METTL22: variants seen among roughly 807,000 people sequenced by gnomAD.
METTL22 encodes the protein methyltransferase 22, Kin17 lysine.
In METTL22, 51 loss-of-function variants were observed where a neutral mutation model predicts 48.4. The ratio of observed to expected loss-of-function variants is 1.05; its 90% CI spans 0.84 to 1.33. The LOEUF (loss-of-function observed/expected upper bound fraction) is 1.33. Ranked by LOEUF, METTL22 falls within the 40% of genes most tolerant of loss-of-function variation. The pLI is 0.00. For synonymous variants in METTL22, 255 were observed against 214.1 expected (o/e 1.19, Z -1.67); for missense variants, 678 against 526.9 (o/e 1.29, Z -2.81).
rs1253461029 is a variant in METTL22 at position 8,646,838 on chromosome 16, C to G, written c.*695C>G. The G allele has an allele frequency of 3.2e-5, 12 of 375,144 alleles. 1 individual carries two copies. The highest frequency in any genetic ancestry group is 2.4e-4 in the South Asian group (12 of 50,252). The allele number at this position is 375,144 out of a possible 1,614,324, so 23.2% of individuals were successfully genotyped here. ...CCGCCTGGACTCATTTTCCCTCCGCCCCTTGGTCTCTCTGTCTTATCACGT... is the reference window on the plus strand; with the variant it reads ...CCGCCTGGACTCATTTTCCCTCCGCGCCTTGGTCTCTCTGTCTTATCACGT... On this transcript the variant is annotated 3_prime_UTR_variant, in exon 11 of 11. Transcript: ENST00000381920.
chr16:8,622,686 A>G (rs1163179165), intron 1 of METTL22, among the ~76,000 whole-genome samples: 4 of 152,204 alleles, frequency 2.6e-5, no homozygotes, highest in Non-Finnish European at 5.9e-5. Context: ...AACGTTTACT[A>G]TATGTCGTAA....
At position 8,642,094 on chromosome 16, in the gene METTL22, A is replaced by G. The variant is rs370142820; in HGVS notation, c.827-33A>G. On this transcript the variant is annotated intron_variant, in intron 7 of 10. Coordinates refer to ENST00000381920, the MANE Select transcript of METTL22 (RefSeq NM_024109.4). ...GAGTTGGTGGCCAGGAGAGAAGGCA[A>G]TGGGCACAAAGTGTGCTTTTGTTCT... The G allele has an allele frequency of 7.5e-5, 117 of 1,552,076 alleles. 1 individual carries two copies. The highest frequency in any genetic ancestry group is 1.7e-4 in the Middle Eastern group (1 of 5,970).
chr16:8,622,385 C>A (rs1051558123), intron 1 of METTL22, among the ~76,000 whole-genome samples: 1 of 152,190 alleles, frequency 6.6e-6, no homozygotes, highest in Non-Finnish European at 1.5e-5. Context: ...GGTAGCGTCT[C>A]AGTCTAGCCC....
At chr16:8,650,403 A>G (rs1048355264), downstream of METTL22, among the ~76,000 whole-genome samples, 4 of 152,232 alleles carry the variant, frequency 2.6e-5, no homozygotes, top group African/African-American at 7.2e-5. Context: ...TGTAACAGCA[A>G]TGACCTTGGA....
chr16:8,626,430 C>T (rs1465227616), intron 2 of METTL22, among the ~76,000 whole-genome samples: 5 of 151,068 alleles, frequency 3.3e-5, no homozygotes, highest in African/African-American at 4.9e-5. Context: ...TGCTGGGGCT[C>T]CATCTGTCCT....
chr16:8,644,726 G>A lies in METTL22; in HGVS notation c.1179+1G>A, dbSNP rs1372706833. 6.3e-7 allele frequency: 1 copy of A among 1,576,864 alleles called. No individual in the cohort carries two copies. Among genetic ancestry groups the A allele is most frequent in the Admixed American group, 1.8e-5 (1 of 54,984 alleles). ...GGTTTACGAGCGCCTCCAGCAACTG[G>A]TAGGTCCAGGCCCCGAAGCAGGGCC... On this transcript the variant is annotated splice_donor_variant, in intron 10 of 10. Coordinates refer to ENST00000381920, the MANE Select transcript of METTL22 (RefSeq NM_024109.4). LOFTEE classifies it high-confidence loss of function.
chr16:8,642,699 T>G, intron 9 of METTL22, 134 bp downstream of exon 9: 1 of 831,606 alleles, frequency 1.2e-6, no homozygotes. Context: ...ATGTGCCAGG[T>G]CTGTGCTCAT....
At chr16:8,661,307 C>G in the METTL22 span, among the ~76,000 whole-genome samples, 1 of 152,032 alleles carries the variant, frequency 6.6e-6, no homozygotes, top group African/African-American at 2.4e-5. Context: ...CCGCCAGTAC[C>G]CAGCTAGCCC....
At chr16:8,632,397 C>G (rs768318848) in intron 3 of METTL22, among the ~76,000 whole-genome samples, 1 of 152,174 alleles carries the variant, frequency 6.6e-6, no homozygotes, top group Non-Finnish European at 1.5e-5. Context: ...ATGGGTCTCA[C>G]TTTGCACTTC....
chr16:8,644,543 T>C lies in METTL22; in HGVS notation c.1011-14T>C. On this transcript the variant is annotated splice_polypyrimidine_tract_variant and intron_variant, in intron 9 of 10. Coordinates refer to ENST00000381920, the MANE Select transcript of METTL22 (RefSeq NM_024109.4). The stretch of plus-strand genomic sequence containing the variant: ...GATGATGGCAGTTTGTGCGTCCGAC[T>C]GGCTGGTTTGCAGGCTCAACTTCAC... The C allele has an allele frequency of 3.9e-6, 6 of 1,528,842 alleles. No individual in the cohort carries two copies. Among genetic ancestry groups the C allele is most frequent in the Non-Finnish European group, 5.3e-6 (6 of 1,133,826 alleles). 94.7% of individuals were successfully genotyped at this position (1,528,842 alleles called of 1,614,324 possible). A position where few individuals can be genotyped will look rare whatever the true frequency, so the allele number is the denominator to read the frequency against.
intron 2 of METTL22, 123 bp downstream of exon 2, chr16:8,625,921 T>A: frequency 8.3e-7 from 1 of 1,198,384 alleles, no homozygotes; most frequent in Non-Finnish European, 1.2e-6. Flanking sequence ...GACCACTTTT[T>A]AAGTGCCCTT....
rs964678992 is a variant in METTL22 at position 8,641,117 on chromosome 16, G to A, written c.773-14G>A. 1 of 1,613,340 alleles carries A rather than the reference G, an allele frequency of 6.2e-7. No homozygotes were observed. The highest frequency in any genetic ancestry group is 8.5e-7 in the Non-Finnish European group (1 of 1,179,408). On this transcript the variant is annotated splice_polypyrimidine_tract_variant and intron_variant, in intron 6 of 10. Transcript: ENST00000381920. ...TTAGAGTTTGGAAAGTTCTCTTTTT[G>A]TTTGTTTTTACAGGTGGTATAGTTA... is the stretch of plus-strand genomic sequence containing the variant.
chr16:8,623,740 T>A (rs2055942826), intron 1 of METTL22: 1 of 152,222 alleles, frequency 6.6e-6, no homozygotes, highest in Non-Finnish European at 1.5e-5. Context: ...TTCTTAAAAA[T>A]TTTTTTGTTG....
intron 5 of METTL22, among the ~76,000 whole-genome samples, chr16:8,637,563 C>T (rs2056460799): frequency 6.6e-6 from 1 of 152,216 alleles, no homozygotes; most frequent in Non-Finnish European, 1.5e-5. Context: ...TCTCTGTTGT[C>T]CAAATGGGCA....
chr16:8,661,004 T>C, the METTL22 span, among the ~76,000 whole-genome samples: 1 of 152,092 alleles, frequency 6.6e-6, no homozygotes, highest in African/African-American at 2.4e-5. Flanking sequence ...GTGATGAGTT[T>C]GGTCTTGGCT....
rs749871554 is a variant in METTL22, at chr16:8,635,252, G to A, written c.640G>A (p.Ala214Thr). ...FRGCTALELG[A>T]GTGLASIIAA... ...AGGATGTACAGCGCTGGAGCTCGGG[G>A]CCGGCACGGGGCTCGCTAGCATCAT... Residue 214 changes from alanine (A) to threonine (T), a missense_variant, in exon 5 of 11, where the codon GCC becomes ACC. Coordinates refer to ENST00000381920, the MANE Select transcript of METTL22 (RefSeq NM_024109.4). 1.3e-5 allele frequency: 21 copies of A among 1,608,490 alleles called. No homozygotes were observed. In the South Asian group the frequency reaches 1.9e-4, roughly 14 times the overall value.
chr16:8,636,654 T>G (rs978052448), intron 5 of METTL22, among the ~76,000 whole-genome samples: 6 of 151,602 alleles, frequency 4.0e-5, no homozygotes, highest in African/African-American at 1.5e-4. Context: ...TGGTTTTTGT[T>G]TTTTTTTGCA....
downstream of METTL22, among the ~76,000 whole-genome samples, chr16:8,654,391 C>T (rs1317553122): frequency 6.6e-6 from 1 of 152,208 alleles, no homozygotes; most frequent in African/African-American, 2.4e-5. Context: ...ACATGGTTAA[C>T]CTTGATTAAC....
chr16:8,627,339 C>G (rs1331739338), intron 2 of METTL22, among the ~76,000 whole-genome samples: 1 of 152,072 alleles, frequency 6.6e-6, no homozygotes, highest in Non-Finnish European at 1.5e-5. Flanking sequence ...TGTGGCCACT[C>G]TCAGGTTCTT....
Sources: allele counts gnomAD v4.1 joint callset (sites outside exome capture counted in the v4.1 genomes callset), GRCh38; gene constraint gnomAD v4.1.1; transcripts MANE v1.5; gene names NCBI Gene and HGNC (gene_info 2026-07-23, HGNC 2026-07-21).